AGBL4: variants seen among roughly 807,000 people sequenced by gnomAD.
The protein encoded by AGBL4 is cytosolic carboxypeptidase 6.
In AGBL4, 58 loss-of-function variants were observed where a neutral mutation model predicts 66.4. The ratio of observed to expected loss-of-function variants is 0.87; its 90% CI spans 0.71 to 1.09. AGBL4 has a LOEUF of 1.09. AGBL4 is among the 50% of genes least tolerant of loss of function. The pLI is 0.00. For missense variants in AGBL4, 579 were observed against 631.0 expected (o/e 0.92, Z 0.88); for synonymous variants, 234 against 222.9 (o/e 1.05, Z -0.44).
chr1:49,934,514 G>C (rs1416473697), intron 1 of AGBL4, among the ~76,000 whole-genome samples: 1 of 152,134 alleles, frequency 6.6e-6, no homozygotes, highest in Admixed American at 6.5e-5. Context: ...AAAGTTGAAA[G>C]ATTCACGATT....
chr1:49,830,647 A>G (rs142282472), intron 2 of AGBL4, among the ~76,000 whole-genome samples: 10,753 of 152,106 alleles, frequency 0.071, 1,188 homozygotes, highest in African/African-American at 0.23. Context: ...TTTTGTTGCC[A>G]TTGCTTTTGG....
At chr1:49,369,201 G>A (rs1303528262) in intron 3 of AGBL4, among the ~76,000 whole-genome samples, 2 of 152,186 alleles carry the variant, frequency 1.3e-5, no homozygotes, top group South Asian at 4.1e-4. Context: ...TCCTTCACTA[G>A]ATAGATCTGT....
At chr1:49,920,017 G>A (rs1328156882) in intron 1 of AGBL4, among the ~76,000 whole-genome samples, 1 of 152,044 alleles carries the variant, frequency 6.6e-6, no homozygotes, top group Non-Finnish European at 1.5e-5. Flanking sequence ...AAATGGTGCT[G>A]GGAAAACTGG....
At position 49,458,811 on chromosome 1, in the gene AGBL4, A is replaced by G. The variant is rs151337990; in HGVS notation, c.283-212947T>C. Among the ~76,000 whole-genome samples, 533 of 151,902 alleles carry G rather than the reference A, an allele frequency of 3.5e-3. 4 individuals are homozygous for G. The highest frequency in any genetic ancestry group is 0.011 in the African/African-American group (477 of 41,504). ...TCAAATGCTTTTTCTGTGTCTATTGAGATGATCAGGTGATTTTTGTTTTTA... is the reference window on the plus strand; with the variant it reads ...TCAAATGCTTTTTCTGTGTCTATTGGGATGATCAGGTGATTTTTGTTTTTA... On this transcript the variant is annotated intron_variant, in intron 3 of 13. Transcript: ENST00000371839.
chr1:49,654,792 C>G (rs1251969653), intron 3 of AGBL4, among the ~76,000 whole-genome samples: 1 of 152,144 alleles, frequency 6.6e-6, no homozygotes, highest in Admixed American at 6.5e-5. Context: ...CTTCCTCCAT[C>G]CCTTTATTTT....
intron 3 of AGBL4, among the ~76,000 whole-genome samples, chr1:49,389,465 G>A (rs189018521): frequency 2.4e-4 from 37 of 152,212 alleles, no homozygotes; most frequent in Non-Finnish European, 4.4e-4. Flanking sequence ...ATTGAGGCTT[G>A]ACTTGAGAAG....
chr1:48,828,302 G>A (rs904134886), intron 6 of AGBL4, among the ~76,000 whole-genome samples: 1 of 152,114 alleles, frequency 6.6e-6, no homozygotes, highest in Non-Finnish European at 1.5e-5. Context: ...CCATAGAGGT[G>A]TCTCTGGCAG....
intron 3 of AGBL4, among the ~76,000 whole-genome samples, chr1:49,337,557 A>G (rs1022984687): frequency 1.3e-5 from 2 of 152,140 alleles, no homozygotes; most frequent in African/African-American, 4.8e-5. Flanking sequence ...TCTGGGTAAA[A>G]CACTTGTGTG....
intron 1 of AGBL4, among the ~76,000 whole-genome samples, chr1:49,880,999 T>A (rs1647239392): frequency 6.6e-6 from 1 of 152,108 alleles, no homozygotes; most frequent in South Asian, 2.1e-4. Flanking sequence ...GGTGAGGCAA[T>A]GCCTTGCCCT....
intron 5 of AGBL4, among the ~76,000 whole-genome samples, chr1:48,949,795 G>A (rs978972067): frequency 6.6e-6 from 1 of 152,200 alleles, no homozygotes; most frequent in Non-Finnish European, 1.5e-5. Context: ...GGGGATGGAG[G>A]TACCGGGGAA....
chr1:48,786,405 G>A (rs978069092), intron 6 of AGBL4, among the ~76,000 whole-genome samples: 4 of 152,182 alleles, frequency 2.6e-5, no homozygotes, highest in Non-Finnish European at 4.4e-5. Flanking sequence ...TCGAAACTTA[G>A]GTTGTGATGG....
chr1:49,737,021 A>T (rs894706149), intron 2 of AGBL4, among the ~76,000 whole-genome samples: 15 of 149,606 alleles, frequency 1.0e-4, no homozygotes, highest in African/African-American at 2.2e-4. Flanking sequence ...TAAAAAGTTT[A>T]AAAAAAAAAC....
intron 1 of AGBL4, among the ~76,000 whole-genome samples, chr1:49,867,578 G>A (rs1344774845): frequency 7.0e-6 from 1 of 143,114 alleles, no homozygotes; most frequent in Non-Finnish European, 1.5e-5. Context: ...CTATGAGTGA[G>A]AACATGTGGT....
intron 2 of AGBL4, among the ~76,000 whole-genome samples, chr1:49,832,678 T>G (rs1231362507): frequency 6.6e-6 from 1 of 151,638 alleles, no homozygotes; most frequent in Non-Finnish European, 1.5e-5. Flanking sequence ...GACTTTTTAA[T>G]GATTGCCATT....
intron 6 of AGBL4, among the ~76,000 whole-genome samples, chr1:48,730,429 CTAA>C (rs1329187977): frequency 1.3e-5 from 2 of 152,186 alleles, no homozygotes; most frequent in Admixed American, 1.3e-4. Flanking sequence ...ACCAGAGAAT[CTAA>C]GAAGATTCCC....
At chr1:49,880,981 G>A (rs1424220793) in intron 1 of AGBL4, among the ~76,000 whole-genome samples, 7 of 152,284 alleles carry the variant, frequency 4.6e-5, no homozygotes, top group Non-Finnish European at 1.0e-4. Flanking sequence ...GACCCCTTGT[G>A]CTTCCCAGGT....
At chr1:49,137,885 A>C (rs1646043362) in intron 4 of AGBL4, among the ~76,000 whole-genome samples, 1 of 152,184 alleles carries the variant, frequency 6.6e-6, no homozygotes, top group Non-Finnish European at 1.5e-5. Flanking sequence ...AGGAAAAAAT[A>C]GAGAATATGA....
chr1:49,650,170 G>T (rs1337905404), intron 3 of AGBL4, among the ~76,000 whole-genome samples: 1 of 152,080 alleles, frequency 6.6e-6, no homozygotes, highest in Non-Finnish European at 1.5e-5. Context: ...ATTCTCCTGA[G>T]AAAGAAATTC....
rs376977221 is a variant in AGBL4 at position 49,329,059 on chromosome 1, C to T, written c.283-83195G>A. ...CAGTGGCTCACGCCTGTAATCTCAG[C>T]GCTTTGGGAGGCTGAGGTGGGAGGA... On this transcript the variant is annotated intron_variant, in intron 3 of 13. Coordinates refer to ENST00000371839, the MANE Select transcript of AGBL4 (RefSeq NM_032785.4). Among the ~76,000 whole-genome samples the T allele has an allele frequency of 3.6e-4, 55 of 152,266 alleles. 1 individual carries two copies. The South Asian group carries it at 9.5e-3, about 26-fold the overall frequency.
Sources: gnomAD v4.1 joint callset for allele counts (sites outside exome capture counted in the v4.1 genomes callset) on GRCh38, gnomAD v4.1.1 for gene constraint, MANE v1.5 for transcripts, NCBI Gene and HGNC (gene_info 2026-07-23, HGNC 2026-07-21) for gene names.